Variants in TUSC3 observed in about 807,000 individuals in gnomAD.
TUSC3 encodes the protein tumor suppressor candidate 3.
TUSC3 carries 45 observed loss-of-function variants against 44.8 expected under a neutral mutation model. The ratio of observed to expected loss-of-function variants is 1.00; its 90% confidence interval spans 0.79 to 1.29. The LOEUF is 1.29. Ranked by LOEUF, TUSC3 falls within the 50% of genes most tolerant of loss-of-function variation. TUSC3 has a pLI of 0.00. For synonymous variants in TUSC3, 212 were observed against 152.9 expected (o/e 1.39, Z -2.85); for missense variants, 519 against 437.9 (o/e 1.19, Z -1.65).
At chr8:15,830,776 G>T in the TUSC3 span, among the ~76,000 whole-genome samples, 2 of 152,050 alleles carry the variant, frequency 1.3e-5, 1 homozygote, top group South Asian at 4.2e-4. Flanking sequence ...GGTGGAAGGG[G>T]GATCAGGGTT....
intron 1 of TUSC3, among the ~76,000 whole-genome samples, chr8:15,618,489 G>T (rs1805095041): frequency 6.6e-6 from 1 of 152,046 alleles, no homozygotes; most frequent in Admixed American, 6.6e-5. Flanking sequence ...ACATGGTCAG[G>T]ATTATCAATA....
At chr8:15,750,775 T>G in intron 9 of TUSC3, among the ~76,000 whole-genome samples, 1 of 152,152 alleles carries the variant, frequency 6.6e-6, no homozygotes, top group Admixed American at 6.5e-5. Context: ...AGCCCCACAC[T>G]CCTGTCAGCT....
intron 1 of TUSC3, among the ~76,000 whole-genome samples, chr8:15,582,731 C>G (rs370467863): frequency 2.4e-4 from 36 of 152,280 alleles, no homozygotes; most frequent in African/African-American, 7.9e-4. Flanking sequence ...TAACCTGAAA[C>G]CAGTTTTATC....
At chr8:15,602,139 C>T (rs1804314051) in intron 1 of TUSC3, among the ~76,000 whole-genome samples, 1 of 151,514 alleles carries the variant, frequency 6.6e-6, no homozygotes, top group South Asian at 2.1e-4. Context: ...AGTCAGTAGC[C>T]ATCCTGAAAA....
intron 3 of TUSC3, among the ~76,000 whole-genome samples, chr8:15,652,464 A>T (rs1467262791): frequency 6.6e-6 from 1 of 152,090 alleles, no homozygotes; most frequent in Non-Finnish European, 1.5e-5. Flanking sequence ...TCATCTATTC[A>T]GCAAATAGTT....
chr8:15,484,763 G>C (rs963347250), intron 2 of TUSC3, among the ~76,000 whole-genome samples: 4 of 152,164 alleles, frequency 2.6e-5, no homozygotes, highest in African/African-American at 9.7e-5. Flanking sequence ...TTAATATTCA[G>C]AGGGGACAAA....
Position 15,563,685 on chromosome 8 carries a change from C to CAAAAAAAAAAAAAAAAAA in TUSC3, c.138+23120_138+23137dup, listed in dbSNP as rs150368776. Among the ~76,000 whole-genome samples, 91 of 79,946 alleles carry CAAAAAAAAAAAAAAAAAA rather than the reference C, an allele frequency of 1.1e-3. 2 individuals are homozygous for CAAAAAAAAAAAAAAAAAA. Among genetic ancestry groups the CAAAAAAAAAAAAAAAAAA allele is most frequent in the African/African-American group, 3.8e-3 (70 of 18,252 alleles). The allele number at this position is 79,946 out of a possible 152,430, so 52.4% of individuals were successfully genotyped here. A position where few individuals can be genotyped will look rare whatever the true frequency, so the allele number is the denominator to read the frequency against. Reference sequence around the variant, plus strand: ...TGAGTGACAGAGTGAGCCTCCATCTCAAAAAAAAAAAAAAAAAAAAGAACA... The same window carrying CAAAAAAAAAAAAAAAAAA: ...TGAGTGACAGAGTGAGCCTCCATCTCAAAAAAAAAAAAAAAAAAAAAAAAAAAAAAAAAAAAAAGAACA... On this transcript the variant is annotated intron_variant, in intron 1 of 10. Coordinates refer to ENST00000503731, the MANE Select transcript of TUSC3 (RefSeq NM_006765.4).
At chr8:15,482,431 C>T (rs762291660) in intron 1 of TUSC3, among the ~76,000 whole-genome samples, 1 of 152,258 alleles carries the variant, frequency 6.6e-6, no homozygotes. Flanking sequence ...GCAGCTATAG[C>T]GTTATGAATG....
chr8:15,418,969 C>T (rs1164851697), intron 1 of TUSC3, among the ~76,000 whole-genome samples: 3 of 152,110 alleles, frequency 2.0e-5, no homozygotes, highest in Non-Finnish European at 4.4e-5. Flanking sequence ...TCAAACACTG[C>T]ACTCCAGCCT....
intron 1 of TUSC3, among the ~76,000 whole-genome samples, chr8:15,421,937 T>C (rs1799743070): frequency 6.6e-6 from 1 of 152,184 alleles, no homozygotes. Context: ...TTTTAAAAAA[T>C]CACTGCCACT....
chr8:15,551,068 G>A (rs1416331783), intron 1 of TUSC3, among the ~76,000 whole-genome samples: 1 of 151,728 alleles, frequency 6.6e-6, no homozygotes, highest in African/African-American at 2.4e-5. Context: ...TCACTTAACC[G>A]TTTGGAGCAG....
chr8:15,602,495 C>T (rs756724844), intron 1 of TUSC3, among the ~76,000 whole-genome samples: 1 of 151,512 alleles, frequency 6.6e-6, no homozygotes, highest in African/African-American at 2.4e-5. Context: ...GAGGTGATTT[C>T]TCTTGGTGGA....
chr8:15,626,410 T>C (rs1412632746), intron 2 of TUSC3, among the ~76,000 whole-genome samples: 1 of 152,146 alleles, frequency 6.6e-6, no homozygotes, highest in Non-Finnish European at 1.5e-5. Flanking sequence ...CTGTGCTCCA[T>C]AGAGCCAGTG....
intron 9 of TUSC3, among the ~76,000 whole-genome samples, chr8:15,751,023 G>A (rs371142539): frequency 2.0e-4 from 31 of 152,304 alleles, no homozygotes; most frequent in African/African-American, 6.5e-4. Context: ...GTGACCTGCT[G>A]TGTAGAGAAA....
At chr8:15,590,651 T>A (rs1263344144) in intron 1 of TUSC3, among the ~76,000 whole-genome samples, 1 of 151,300 alleles carries the variant, frequency 6.6e-6, no homozygotes, top group Non-Finnish European at 1.5e-5. Flanking sequence ...TTTATTTATT[T>A]ATTATTATTA....
intron 9 of TUSC3, among the ~76,000 whole-genome samples, chr8:15,755,604 A>T (rs2604364): frequency 6.6e-6 from 1 of 151,676 alleles, no homozygotes; most frequent in Non-Finnish European, 1.5e-5. Flanking sequence ...CAGCAATTAT[A>T]AACAACAGTT....
intron 2 of TUSC3, among the ~76,000 whole-genome samples, chr8:15,483,859 G>C (rs893904443): frequency 6.8e-6 from 1 of 147,656 alleles, no homozygotes; most frequent in African/African-American, 2.5e-5. Context: ...GGGTTTCACT[G>C]TGTTAGCCAG....
chr8:15,670,420 G>C (rs571294115), intron 5 of TUSC3, among the ~76,000 whole-genome samples: 1 of 151,756 alleles, frequency 6.6e-6, no homozygotes, highest in Non-Finnish European at 1.5e-5. Context: ...GATTTGTAAC[G>C]AAAGTGGCCT....
chr8:15,553,348 G>C (rs866283657), intron 1 of TUSC3, among the ~76,000 whole-genome samples: 2 of 151,684 alleles, frequency 1.3e-5, no homozygotes, highest in East Asian at 3.9e-4. Flanking sequence ...CCAATATTTT[G>C]GTGTGCTGCA....
Sources: gnomAD v4.1 joint callset for allele counts (sites outside exome capture counted in the v4.1 genomes callset) on GRCh38, gnomAD v4.1.1 for gene constraint, MANE v1.5 for transcripts, NCBI Gene and HGNC (gene_info 2026-07-23, HGNC 2026-07-21) for gene names.